RCAN2: variants seen among roughly 807,000 people sequenced by gnomAD.
RCAN2 encodes regulator of calcineurin 2, also known as calcipressin-2.
A neutral mutation model predicts 23.6 loss-of-function variants in RCAN2; 9 were observed. The ratio of observed to expected loss-of-function variants is 0.38; its 90% CI spans 0.23 to 0.67. The LOEUF (loss-of-function observed/expected upper bound fraction) is 0.67, where lower values mean the gene tolerates loss of function less well. RCAN2 is among the 30% of genes least tolerant of loss of function. The pLI is 0.51. For synonymous variants in RCAN2, 109 were observed against 115.7 expected (o/e 0.94, Z 0.37); for missense variants, 273 against 302.3 (o/e 0.90, Z 0.72).
At chr6:46,262,527 G>A (rs1767144596) in intron 2 of RCAN2, among the ~76,000 whole-genome samples, 2 of 151,840 alleles carry the variant, frequency 1.3e-5, no homozygotes, top group South Asian at 2.1e-4. Context: ...AGGCCAAGGT[G>A]GGAGGATTGC....
rs201029730 is a variant in RCAN2, at chr6:46,442,940, C to G, written c.225+13812G>C. Among the ~76,000 whole-genome samples the G allele has an allele frequency of 3.6e-4, 55 of 152,274 alleles. No individual in the cohort carries two copies. The East Asian group carries it at 0.01, about 28-fold the overall frequency. ...AAATGTCCTACAGCAGCGTTCAAAT[C>G]TGCCCCACACTGGGCCTCTCATCTG... On this transcript the variant is annotated intron_variant, in intron 2 of 4. Coordinates refer to ENST00000371374, the MANE Select transcript of RCAN2 (RefSeq NM_001251974.2).
intron 2 of RCAN2, among the ~76,000 whole-genome samples, chr6:46,294,432 A>G: frequency 6.6e-6 from 1 of 152,304 alleles, no homozygotes; most frequent in East Asian, 1.9e-4. Flanking sequence ...AAATACTCAT[A>G]TTATTTAACC....
intron 2 of RCAN2, among the ~76,000 whole-genome samples, chr6:46,255,245 G>C (rs1582035188): frequency 6.6e-6 from 1 of 151,630 alleles, no homozygotes; most frequent in Non-Finnish European, 1.5e-5. Context: ...GTACAAGACA[G>C]GTGTGTGTGT....
intron 2 of RCAN2, among the ~76,000 whole-genome samples, chr6:46,275,144 G>A (rs1037993451): frequency 6.6e-6 from 1 of 151,570 alleles, no homozygotes; most frequent in African/African-American, 2.4e-5. Flanking sequence ...CCAGGCTGGA[G>A]TACAGTGGTG....
At chr6:46,413,282 T>A (rs946457466) in intron 2 of RCAN2, among the ~76,000 whole-genome samples, 3 of 152,198 alleles carry the variant, frequency 2.0e-5, no homozygotes, top group Admixed American at 2.0e-4. Flanking sequence ...AGAGCAGAAG[T>A]GTGCATCTTT....
intron 2 of RCAN2, among the ~76,000 whole-genome samples, chr6:46,418,501 C>G (rs1046718999): frequency 1.3e-4 from 20 of 151,792 alleles, no homozygotes; most frequent in African/African-American, 4.6e-4. Context: ...TTAATGACTA[C>G]GTGGATCTTT....
intron 1 of RCAN2, among the ~76,000 whole-genome samples, chr6:46,457,556 C>A (rs980230601): frequency 2.6e-5 from 4 of 152,122 alleles, no homozygotes; most frequent in Non-Finnish European, 5.9e-5. Flanking sequence ...AAGTAGAAGC[C>A]TATATTTAAG....
intron 2 of RCAN2, among the ~76,000 whole-genome samples, chr6:46,436,338 G>A (rs911715508): frequency 1.3e-5 from 2 of 152,128 alleles, no homozygotes; most frequent in Admixed American, 6.5e-5. Flanking sequence ...TCAGCCTCCC[G>A]AGTAGCTGGG....
At chr6:46,409,376 G>A (rs1035108559) in intron 2 of RCAN2, among the ~76,000 whole-genome samples, 1 of 152,066 alleles carries the variant, frequency 6.6e-6, no homozygotes, top group Non-Finnish European at 1.5e-5. Context: ...ATTCCTTCAT[G>A]AACTTTAAAT....
chr6:46,326,978 CA>C (rs1763813389), intron 2 of RCAN2, among the ~76,000 whole-genome samples: 1 of 152,176 alleles, frequency 6.6e-6, no homozygotes, highest in South Asian at 2.1e-4. Context: ...TGCATTTGTT[CA>C]AGTGGCATTT....
chr6:46,319,432 T>C (rs1184606061), intron 2 of RCAN2, among the ~76,000 whole-genome samples: 3 of 152,212 alleles, frequency 2.0e-5, no homozygotes, highest in African/African-American at 4.8e-5. Context: ...TATCTGACAT[T>C]TAGGTTAGAG....
At chr6:46,408,370 G>T (rs534362594) in intron 2 of RCAN2, among the ~76,000 whole-genome samples, 6 of 152,306 alleles carry the variant, frequency 3.9e-5, no homozygotes, top group African/African-American at 1.4e-4. Context: ...AGCAACACGG[G>T]TTCTCTTTGT....
At chr6:46,233,917 C>T (rs771399485) in intron 4 of RCAN2, among the ~76,000 whole-genome samples, 68 of 151,896 alleles carry the variant, frequency 4.5e-4, no homozygotes, top group Non-Finnish European at 9.1e-4. Flanking sequence ...TTAGTAGAGA[C>T]GGGGTTTCAC....
chr6:46,270,520 G>A (rs183580114), intron 2 of RCAN2, among the ~76,000 whole-genome samples: 1 of 152,302 alleles, frequency 6.6e-6, no homozygotes, highest in Non-Finnish European at 1.5e-5. Context: ...CTCGTTGTGT[G>A]TGATTGGCTG....
chr6:46,305,421 TC>T (rs1247965172), intron 2 of RCAN2, among the ~76,000 whole-genome samples: 1 of 151,990 alleles, frequency 6.6e-6, no homozygotes, highest in Non-Finnish European at 1.5e-5. Flanking sequence ...CTTCTTTGCT[TC>T]CCTTCACTTG....
chr6:46,311,028 T>C (rs1296822435), intron 2 of RCAN2, among the ~76,000 whole-genome samples: 1 of 152,188 alleles, frequency 6.6e-6, no homozygotes, highest in African/African-American at 2.4e-5. Flanking sequence ...AGTACCTACA[T>C]GCTTTAGGTA....
At chr6:46,421,662 A>C (rs1221592833) in intron 2 of RCAN2, among the ~76,000 whole-genome samples, 2 of 152,118 alleles carry the variant, frequency 1.3e-5, no homozygotes, top group African/African-American at 4.8e-5. Flanking sequence ...TCACTTCTCC[A>C]GGTTCCAAAA....
intron 2 of RCAN2, among the ~76,000 whole-genome samples, chr6:46,402,954 T>A (rs1386771054): frequency 6.6e-6 from 1 of 151,136 alleles, no homozygotes; most frequent in African/African-American, 2.5e-5. Context: ...TAGGTTGCTA[T>A]GCTACATTTG....
chr6:46,314,796 G>A (rs79581708), intron 2 of RCAN2, among the ~76,000 whole-genome samples: 1,863 of 152,212 alleles, frequency 0.012, 35 homozygotes, highest in African/African-American at 0.043. Flanking sequence ...GGGTGTGGTC[G>A]CTGTCTGTAA....
Sources: gnomAD v4.1 joint callset for allele counts (sites outside exome capture counted in the v4.1 genomes callset) on GRCh38, gnomAD v4.1.1 for gene constraint, MANE v1.5 for transcripts, NCBI Gene and HGNC (gene_info 2026-07-23, HGNC 2026-07-21) for gene names.